The following KANSL1 variants were observed in gnomAD, a reference collection of about 807,000 sequenced individuals.
KANSL1 encodes KAT8 regulatory NSL complex subunit 1.
A neutral mutation model predicts 103.6 loss-of-function variants in KANSL1; 22 were observed. That is an observed-to-expected ratio of 0.21 (90% CI 0.15 to 0.30). KANSL1 has a LOEUF of 0.30. Among genes scored for constraint, KANSL1 ranks in the 10% least tolerant of loss-of-function variants. The probability of loss-of-function intolerance (pLI) is 1.00; values close to 1 mark genes in which losing one functional copy is unlikely to be tolerated. For missense variants in KANSL1, 1,337 were observed against 1,399.8 expected (o/e 0.96, Z 0.72); for synonymous variants, 600 against 527.6 (o/e 1.14, Z -1.88).
chr17:46,036,081 TTTTGTTTG>T (rs576350137), intron 10 of KANSL1, among the ~76,000 whole-genome samples: 30 of 151,582 alleles, frequency 2.0e-4, no homozygotes, highest in African/African-American at 7.0e-4. Flanking sequence ...AAAATCAGAA[TTTTGTTTG>T]TTTGTTTGTT....
chr17:46,147,572 T>TAAAAAAA (rs10717937), intron 2 of KANSL1, among the ~76,000 whole-genome samples: 6 of 103,066 alleles, frequency 5.8e-5, no homozygotes, highest in Non-Finnish European at 1.1e-4. Context: ...TGAGACTCTT[T>TAAAAAAA]AAAAAAAAAA....
At chr17:46,205,377 C>A (rs367762636) in intron 1 of KANSL1, among the ~76,000 whole-genome samples, 1 of 151,562 alleles carries the variant, frequency 6.6e-6, no homozygotes, top group Non-Finnish European at 1.5e-5. Flanking sequence ...AGCATCCCCC[C>A]GCCAAAAAAA....
At chr17:46,184,848 T>C (rs1475592501) in intron 1 of KANSL1, among the ~76,000 whole-genome samples, 1 of 151,254 alleles carries the variant, frequency 6.6e-6, no homozygotes, top group Non-Finnish European at 1.5e-5. Context: ...TTTTTTTTTT[T>C]TTTTTTTTTG....
chr17:46,143,802 T>TCAAAAAAAAAAAAAAAAAA, intron 2 of KANSL1, among the ~76,000 whole-genome samples: 1 of 35,498 alleles, frequency 2.8e-5, no homozygotes. Flanking sequence ...AGACTCCATC[T>TCAAAAAAAAAAAAAAAAAA]CAAAAAAAAA....
chr17:46,117,274 C>T (rs1251050693), intron 2 of KANSL1, among the ~76,000 whole-genome samples: 1 of 152,220 alleles, frequency 6.6e-6, no homozygotes, highest in Non-Finnish European at 1.5e-5. Context: ...GCACACAGTA[C>T]TTGACGAAGC....
chr17:46,173,566 A>G (rs2046385267), intron 1 of KANSL1, among the ~76,000 whole-genome samples: 1 of 152,182 alleles, frequency 6.6e-6, no homozygotes, highest in Middle Eastern at 3.2e-3. Flanking sequence ...GCTATTTTGG[A>G]GGTTCGTGAA....
intron 1 of KANSL1, among the ~76,000 whole-genome samples, chr17:46,183,151 G>C (rs566514656): frequency 6.6e-6 from 1 of 152,324 alleles, no homozygotes; most frequent in East Asian, 1.9e-4. Flanking sequence ...GTAGGAGCTG[G>C]GTGCAGTGGC....
At chr17:46,191,875 C>G (rs921141932) in intron 1 of KANSL1, among the ~76,000 whole-genome samples, 11 of 152,112 alleles carry the variant, frequency 7.2e-5, no homozygotes, top group Non-Finnish European at 8.8e-5. Context: ...CTTTGGGGAC[C>G]GCGGCAGTCG....
intron 2 of KANSL1, chr17:46,169,732 G>C (rs2046184481): frequency 6.6e-6 from 1 of 152,196 alleles, no homozygotes; most frequent in Non-Finnish European, 1.5e-5. Flanking sequence ...GTATCTTTAA[G>C]TATGTTATAA....
At chr17:46,071,994 G>GC (rs1330155957) in intron 4 of KANSL1, among the ~76,000 whole-genome samples, 3 of 107,854 alleles carry the variant, frequency 2.8e-5, no homozygotes, top group Non-Finnish European at 6.6e-5. Flanking sequence ...CCCTCCCCCC[G>GC]CCCCGATTGA....
rs56266533 is a variant in KANSL1, at chr17:46,192,927, G to T, written c.-194C>A. The T allele has an allele frequency of 0.14, 21,838 of 150,982 alleles. 2,128 individuals are homozygous for T. Among genetic ancestry groups the T allele is most frequent in the Non-Finnish European group, 0.22 (14,731 of 67,426 alleles). The allele number at this position is 150,982 out of a possible 1,614,324, so 9.4% of individuals were successfully genotyped here. A position where few individuals can be genotyped will look rare whatever the true frequency, so the allele number is the denominator to read the frequency against. On this transcript the variant is annotated 5_prime_UTR_variant, in exon 1 of 15. Coordinates refer to ENST00000432791, the MANE Select transcript of KANSL1 (RefSeq NM_015443.4). Reference sequence around the variant, plus strand: ...CGCCGAGGGCCAGCGGCGGGCGGGGGCGCGCGACGGCGGCTCCGGCCCGGG... The same window carrying T: ...CGCCGAGGGCCAGCGGCGGGCGGGGTCGCGCGACGGCGGCTCCGGCCCGGG...
chr17:46,058,710 A>AAC (rs749406954), intron 6 of KANSL1, among the ~76,000 whole-genome samples: 289 of 124,470 alleles, frequency 2.3e-3, no homozygotes, highest in Middle Eastern at 3.9e-3. Flanking sequence ...CCAGATTTAA[A>AAC]ACACACACAC....
chr17:46,178,525 C>T (rs10401020), intron 1 of KANSL1, among the ~76,000 whole-genome samples: 4,647 of 152,256 alleles, frequency 0.031, 226 homozygotes, highest in African/African-American at 0.1. Context: ...AGCTGCTACA[C>T]CTGCTGTCAC....
chr17:46,204,216 G>T (rs1298758391), intron 1 of KANSL1, among the ~76,000 whole-genome samples: 1 of 152,232 alleles, frequency 6.6e-6, no homozygotes, highest in African/African-American at 2.4e-5. Context: ...CAGCACTTGA[G>T]GAGGCTGAGT....
At chr17:46,099,088 C>T (rs1416908669) in intron 2 of KANSL1, among the ~76,000 whole-genome samples, 1 of 113,060 alleles carries the variant, frequency 8.8e-6, no homozygotes, top group African/African-American at 2.6e-5. Flanking sequence ...CTTTGGGAGG[C>T]CGAGGCAGGC....
chr17:46,066,856 C>T, intron 5 of KANSL1, 124 bp from the exon 6 acceptor site: 3 of 669,834 alleles, frequency 4.5e-6, no homozygotes, highest in Non-Finnish European at 7.5e-6. Context: ...AATGTTCAGA[C>T]ACAAAGAAGC....
At chr17:46,086,402 G>A (rs572975150) in intron 3 of KANSL1, among the ~76,000 whole-genome samples, 47 of 152,284 alleles carry the variant, frequency 3.1e-4, no homozygotes, top group African/African-American at 1.1e-3. Flanking sequence ...GCAAAAGTCT[G>A]CATCTAACTA....
rs1026792301 is a variant in KANSL1 at position 46,030,667 on chromosome 17, G to C, written c.*809C>G. 6.6e-6 allele frequency: 1 copy of C among 152,072 alleles called. No homozygotes were observed. The highest frequency in any genetic ancestry group is 1.9e-4 in the East Asian group (1 of 5,176). The allele number at this position is 152,072 out of a possible 1,614,324, so 9.4% of individuals were successfully genotyped here. ...CAGTTTGCAGGGGAGTGGGAATAGA[G>C]GTTAAGTAGTCCTAACCCTACCTTC... is the stretch of plus-strand genomic sequence containing the variant. On this transcript the variant is annotated 3_prime_UTR_variant, in exon 15 of 15. Transcript: ENST00000432791.
chr17:46,079,860 C>T (rs1251490973), intron 4 of KANSL1, among the ~76,000 whole-genome samples: 1 of 151,978 alleles, frequency 6.6e-6, no homozygotes, highest in Admixed American at 6.6e-5. Context: ...GCCTGTAGTC[C>T]CAGCTACTTG....
Sources: gnomAD v4.1 joint callset for allele counts (sites outside exome capture counted in the v4.1 genomes callset) on GRCh38, gnomAD v4.1.1 for gene constraint, MANE v1.5 for transcripts, NCBI Gene and HGNC (gene_info 2026-07-23, HGNC 2026-07-21) for gene names.